Variants in CACNA2D1 observed in about 807,000 individuals in gnomAD.
CACNA2D1 encodes the protein voltage-dependent calcium channel subunit alpha-2/delta-1.
In CACNA2D1, 53 loss-of-function variants were observed where a neutral mutation model predicts 171.5. That is an observed-to-expected ratio of 0.31 (90% CI 0.25 to 0.39). The LOEUF is 0.39. CACNA2D1 is among the 10% of genes least tolerant of loss of function. The pLI is 1.00. For synonymous variants in CACNA2D1, 442 were observed against 443.1 expected (o/e 1.00, Z 0.03); for missense variants, 903 against 1,299.8 (o/e 0.69, Z 4.69).
chr7:82,117,751 A>C (rs1789247686), intron 5 of CACNA2D1, among the ~76,000 whole-genome samples: 1 of 152,212 alleles, frequency 6.6e-6, no homozygotes, highest in African/African-American at 2.4e-5. Flanking sequence ...ACCACACTCT[A>C]GCCTGGGCAA....
chr7:82,361,067 C>A (rs570881579), intron 1 of CACNA2D1, among the ~76,000 whole-genome samples: 1 of 152,216 alleles, frequency 6.6e-6, no homozygotes, highest in South Asian at 2.1e-4. Flanking sequence ...AAATATATTG[C>A]AATTTAATTG....
intron 3 of CACNA2D1, among the ~76,000 whole-genome samples, chr7:82,229,637 T>C (rs1287129443): frequency 2.0e-5 from 3 of 152,116 alleles, no homozygotes; most frequent in African/African-American, 7.2e-5. Context: ...AGAGCACACG[T>C]AGAGCCTTCT....
At chr7:82,420,959 T>C (rs1243458513) in intron 1 of CACNA2D1, among the ~76,000 whole-genome samples, 1 of 152,202 alleles carries the variant, frequency 6.6e-6, no homozygotes, top group African/African-American at 2.4e-5. Context: ...TTATTCTTCT[T>C]ATCCTAATGT....
intron 3 of CACNA2D1, among the ~76,000 whole-genome samples, chr7:82,281,289 G>A (rs531503179): frequency 1.3e-4 from 20 of 152,106 alleles, no homozygotes; most frequent in South Asian, 1.0e-3. Context: ...GTTAACCAAC[G>A]GAATCTTGGG....
chr7:82,318,073 T>G (rs1815332089), intron 3 of CACNA2D1, among the ~76,000 whole-genome samples: 1 of 152,068 alleles, frequency 6.6e-6, no homozygotes, highest in South Asian at 2.1e-4. Context: ...TAATTAAAAG[T>G]TGGTTAAATA....
At chr7:82,177,135 A>T (rs1796625348) in intron 3 of CACNA2D1, among the ~76,000 whole-genome samples, 2 of 148,128 alleles carry the variant, frequency 1.4e-5, no homozygotes, top group Admixed American at 1.4e-4. Context: ...AGCTGAAAAT[A>T]CTGAAAAGCA....
At chr7:82,332,223 A>G (rs1300537608) in intron 3 of CACNA2D1, among the ~76,000 whole-genome samples, 1 of 151,866 alleles carries the variant, frequency 6.6e-6, no homozygotes, top group South Asian at 2.1e-4. Flanking sequence ...CACCACACCC[A>G]GCTAATTTTT....
At chr7:82,193,867 T>C (rs1798589473) in intron 3 of CACNA2D1, among the ~76,000 whole-genome samples, 1 of 152,064 alleles carries the variant, frequency 6.6e-6, no homozygotes, top group African/African-American at 2.4e-5. Context: ...ACGTATTTAC[T>C]TACAAATAAT....
intron 4 of CACNA2D1, among the ~76,000 whole-genome samples, chr7:82,163,651 C>G (rs1345419008): frequency 1.3e-5 from 2 of 151,914 alleles, no homozygotes; most frequent in Non-Finnish European, 2.9e-5. Context: ...TATTAAAAAC[C>G]TTTTGGGTTG....
intron 1 of CACNA2D1, among the ~76,000 whole-genome samples, chr7:82,425,462 C>G (rs1829086313): frequency 6.6e-6 from 1 of 151,780 alleles, no homozygotes; most frequent in African/African-American, 2.4e-5. Flanking sequence ...TGGCAGTATG[C>G]TACACAGAAT....
intron 1 of CACNA2D1, among the ~76,000 whole-genome samples, chr7:82,413,942 A>C (rs1299457084): frequency 6.6e-6 from 1 of 152,188 alleles, no homozygotes; most frequent in East Asian, 1.9e-4. Flanking sequence ...TAACTAATGA[A>C]GTACTAGAAT....
intron 3 of CACNA2D1, among the ~76,000 whole-genome samples, chr7:82,227,258 G>A (rs139762441): frequency 2.2e-4 from 34 of 152,266 alleles, no homozygotes; most frequent in Admixed American, 1.8e-3. Context: ...AAACAAATCT[G>A]CTGAAACTAT....
At chr7:82,181,224 T>G (rs368720155) in intron 3 of CACNA2D1, among the ~76,000 whole-genome samples, 3 of 151,932 alleles carry the variant, frequency 2.0e-5, no homozygotes, top group African/African-American at 7.2e-5. Context: ...GCAGTAACCA[T>G]GTTAAACAAA....
At chr7:82,384,391 GCATGCAGGTAGTTA>G (rs1354476684) in intron 1 of CACNA2D1, among the ~76,000 whole-genome samples, 1 of 152,156 alleles carries the variant, frequency 6.6e-6, no homozygotes, top group Admixed American at 6.6e-5. Context: ...TGAAGACACA[GCATGCAGGTAGTTA>G]CATGCAAGCC....
At chr7:82,099,480 C>T (rs1584743794) in intron 6 of CACNA2D1, among the ~76,000 whole-genome samples, 1 of 28,706 alleles carries the variant, frequency 3.5e-5, no homozygotes, top group African/African-American at 1.1e-4. Flanking sequence ...GACGGAGTCT[C>T]GCTCTGTCGC....
chr7:82,004,685 T>G (rs1489690984), intron 18 of CACNA2D1, among the ~76,000 whole-genome samples: 1 of 152,108 alleles, frequency 6.6e-6, no homozygotes, highest in Non-Finnish European at 1.5e-5. Context: ...CTTCAAAGTA[T>G]AACAATAACT....
intron 3 of CACNA2D1, among the ~76,000 whole-genome samples, chr7:82,209,574 GAACA>G (rs1404481054): frequency 6.6e-6 from 1 of 152,010 alleles, no homozygotes; most frequent in Non-Finnish European, 1.5e-5. Flanking sequence ...ATAAAATAGG[GAACA>G]AACAGATTGG....
chr7:82,112,027 GATA>G (rs1320908536), intron 6 of CACNA2D1, among the ~76,000 whole-genome samples: 3 of 151,834 alleles, frequency 2.0e-5, no homozygotes, highest in African/African-American at 7.3e-5. Flanking sequence ...TTTGAAAGAA[GATA>G]ATATTTCAGA....
chr7:82,134,611 T>G (rs1791392104), intron 5 of CACNA2D1, among the ~76,000 whole-genome samples: 1 of 152,180 alleles, frequency 6.6e-6, no homozygotes, highest in Admixed American at 6.5e-5. Flanking sequence ...TTGCTAAATT[T>G]CACCTCATGG....
Sources: gnomAD v4.1 joint callset for allele counts (sites outside exome capture counted in the v4.1 genomes callset) on GRCh38, gnomAD v4.1.1 for gene constraint, MANE v1.5 for transcripts, NCBI Gene and HGNC (gene_info 2026-07-23, HGNC 2026-07-21) for gene names.